Variants in PTPRN2 observed in about 807,000 individuals in gnomAD.
The protein encoded by PTPRN2 is receptor-type tyrosine-protein phosphatase N2.
In PTPRN2, 74 loss-of-function variants were observed where a neutral mutation model predicts 118.8. The ratio of observed to expected loss-of-function variants is 0.62; its 90% CI spans 0.52 to 0.76. The LOEUF (loss-of-function observed/expected upper bound fraction) is 0.76. Ranked by LOEUF, PTPRN2 falls within the 30% of genes least tolerant of loss-of-function variation. The probability of loss-of-function intolerance (pLI) is 0.00; values close to 1 mark genes in which losing one functional copy is unlikely to be tolerated. For synonymous variants in PTPRN2, 641 were observed against 608.0 expected, an observed-to-expected ratio of 1.05 and a Z score of -0.80; for missense variants, 1,481 against 1,394.4, an observed-to-expected ratio of 1.06 and a Z score of -0.99.
intron 2 of PTPRN2, among the ~76,000 whole-genome samples, chr7:158,484,522 C>T (rs1444788533): frequency 2.0e-5 from 3 of 152,154 alleles, no homozygotes; most frequent in Non-Finnish European, 4.4e-5. Context: ...GCCACCACGC[C>T]CAGCTAATTT....
At chr7:157,789,012 C>T (rs1554446876) in intron 12 of PTPRN2, among the ~76,000 whole-genome samples, 3 of 152,202 alleles carry the variant, frequency 2.0e-5, no homozygotes, top group East Asian at 1.9e-4. Context: ...AAGCTGTCAC[C>T]GTAACAGTCA....
intron 11 of PTPRN2, among the ~76,000 whole-genome samples, chr7:158,058,572 A>G (rs1810013110): frequency 1.2e-5 from 1 of 85,922 alleles, no homozygotes; most frequent in African/African-American, 5.5e-5. Context: ...GCCACACTCC[A>G]TCTGCCCACG....
rs1586857232 is a variant in PTPRN2, at chr7:158,521,949, CGGG to C, written c.113-32167_113-32165del. On this transcript the variant is annotated intron_variant, in intron 1 of 22. Coordinates refer to ENST00000389418, the MANE Select transcript of PTPRN2 (RefSeq NM_002847.5). Reference sequence around the variant, plus strand: ...ATGGTGGACTGTCCGGGTACTGGCTCGGGAGGGAGGTCCACGTCACAATGGTGG... The same window carrying C: ...ATGGTGGACTGTCCGGGTACTGGCTCAGGGAGGTCCACGTCACAATGGTGG... Among the ~76,000 whole-genome samples, 23 of 89,454 alleles carry C rather than the reference CGGG, an allele frequency of 2.6e-4. 3 individuals are homozygous for C. Among genetic ancestry groups the C allele is most frequent in the South Asian group, 8.0e-4 (2 of 2,496 alleles). The allele number at this position is 89,454 out of a possible 152,430, so 58.7% of individuals were successfully genotyped here.
chr7:157,554,953 CAGCACCCCAGTGTGGCG>C (rs1044280283), intron 21 of PTPRN2, among the ~76,000 whole-genome samples: 4 of 148,544 alleles, frequency 2.7e-5, no homozygotes, highest in Non-Finnish European at 4.4e-5. Context: ...CCATCTTGCT[CAGCACCCCAGTGTGGCG>C]GGCGCCCCAG....
At chr7:158,407,170 TGC>T (rs1563254298) in intron 2 of PTPRN2, among the ~76,000 whole-genome samples, 77 of 85,672 alleles carry the variant, frequency 9.0e-4, no homozygotes, top group African/African-American at 2.9e-3. Context: ...TCCTGGGTCC[TGC>T]GTCCTGCGTC....
intron 6 of PTPRN2, among the ~76,000 whole-genome samples, chr7:158,151,115 C>T (rs1460904593): frequency 5.6e-4 from 15 of 26,956 alleles, no homozygotes; most frequent in African/African-American, 1.6e-3. Context: ...TCTGCTCCTA[C>T]CCCTGCCCAC....
chr7:158,518,188 CAATT>C (rs1171587996), intron 1 of PTPRN2, among the ~76,000 whole-genome samples: 29 of 152,054 alleles, frequency 1.9e-4, no homozygotes, highest in African/African-American at 6.5e-4. Context: ...ATCAATCTAT[CAATT>C]AATTAATAGA....
Position 158,022,045 on chromosome 7 carries a change from G to A in PTPRN2, c.1723+59253C>T, listed in dbSNP as rs1437489566. Among the ~76,000 whole-genome samples the A allele has an allele frequency of 6.6e-6, 1 of 152,110 alleles. No individual in the cohort carries two copies. The highest frequency in any genetic ancestry group is 3.2e-3 in the Middle Eastern group (1 of 316). On this transcript the variant is annotated intron_variant, in intron 11 of 22. Coordinates refer to ENST00000389418, the MANE Select transcript of PTPRN2 (RefSeq NM_002847.5). The surrounding 1 kb of genome is among the most constrained non-coding windows in gnomAD (Gnocchi z 4.6). ...TGAGGCGAGACCCCACACTCCAGCT[G>A]GCCTCCTCCCTGAAGGGCCAGATGG...
intron 3 of PTPRN2, among the ~76,000 whole-genome samples, chr7:158,253,576 C>T (rs935115606): frequency 4.6e-5 from 7 of 152,136 alleles, no homozygotes; most frequent in Non-Finnish European, 1.0e-4. Flanking sequence ...AGGCCAGGAC[C>T]GCGCCCCACA....
intron 9 of PTPRN2, among the ~76,000 whole-genome samples, chr7:158,112,920 G>A (rs541206151): frequency 2.0e-5 from 3 of 152,142 alleles, no homozygotes; most frequent in South Asian, 4.2e-4. Flanking sequence ...GGAGCTGTAC[G>A]ACCAGAGGTG....
At chr7:158,149,157 A>AAT (rs1820609595) in intron 6 of PTPRN2, among the ~76,000 whole-genome samples, 1 of 150,158 alleles carries the variant, frequency 6.7e-6, no homozygotes. Flanking sequence ...TTTCCCCCTC[A>AAT]GTGACACCCC....
At position 157,576,630 on chromosome 7, in the gene PTPRN2, G is replaced by A; in HGVS notation, c.2766C>T (p.Ser922=). ...YDRGVPSSSR[S]LLDFRRKVNK... is the part of the protein sequence containing the mutation. ...CGTCATACCTGCGGAAGTCCAGGAG[G>A]GACCTTGAGGAGGAAGGGACTCCTC... Residue 922 remains serine (S), a synonymous_variant, in exon 19 of 23, where the codon TCC becomes TCT. Coordinates refer to ENST00000389418, the MANE Select transcript of PTPRN2 (RefSeq NM_002847.5). 1 of 1,612,264 alleles carries A rather than the reference G, an allele frequency of 6.2e-7. No homozygotes were observed. The highest frequency in any genetic ancestry group is 1.3e-5 in the African/African-American group (1 of 74,982).
intron 19 of PTPRN2, among the ~76,000 whole-genome samples, chr7:157,575,746 G>T (rs1191237493): frequency 6.6e-6 from 1 of 152,130 alleles, no homozygotes; most frequent in Non-Finnish European, 1.5e-5. Flanking sequence ...TATGATAGTG[G>T]GGCATGGCAT....
intron 12 of PTPRN2, among the ~76,000 whole-genome samples, chr7:157,792,404 G>T (rs4716496): frequency 0.12 from 18,674 of 152,252 alleles, 1,306 homozygotes; most frequent in African/African-American, 0.18. Flanking sequence ...TGGCTCTGGC[G>T]GACATTAGCC....
intron 6 of PTPRN2, among the ~76,000 whole-genome samples, chr7:158,139,435 G>T (rs576520819): frequency 2.0e-3 from 305 of 152,208 alleles, no homozygotes; most frequent in African/African-American, 6.9e-3. Context: ...AATGGGAGAC[G>T]TTCTGCAGAA....
intron 14 of PTPRN2, among the ~76,000 whole-genome samples, chr7:157,645,643 C>T (rs565360371): frequency 6.6e-6 from 1 of 152,160 alleles, no homozygotes; most frequent in Non-Finnish European, 1.5e-5. Context: ...AGGGTGGGGC[C>T]GGGCTGTACA....
rs913352694 is a variant in PTPRN2, at chr7:157,794,921, C to T, written c.1788+103752G>A. 6.6e-6 allele frequency among the ~76,000 whole-genome samples: 1 copy of T among 152,230 alleles called. No homozygotes were observed. Among genetic ancestry groups the T allele is most frequent in the Non-Finnish European group, 1.5e-5 (1 of 68,038 alleles). ...TCGGTCCTCAGAGAGGAGGGATTTC[C>T]ATGTGAAAGAGGCCAGAGTGCTTCC... On this transcript the variant is annotated intron_variant, in intron 12 of 22. Transcript: ENST00000389418. The surrounding 1 kb of genome is among the most constrained non-coding windows in gnomAD (Gnocchi z 5.2).
Position 158,522,988 on chromosome 7 carries a change from G to A in PTPRN2, c.113-33203C>T, listed in dbSNP as rs138121211. Among the ~76,000 whole-genome samples the A allele has an allele frequency of 2.0e-5, 3 of 152,350 alleles. No individual in the cohort carries two copies. In the East Asian group the frequency reaches 5.8e-4, roughly 29 times the overall value. On this transcript the variant is annotated intron_variant, in intron 1 of 22. Transcript: ENST00000389418. ...AGTTACCCAAAAATGGGAATTTCAA[G>A]AATAGCCAAGGGCTTCAACAGAGGA...
chr7:158,006,993 C>T (rs1418168033), intron 11 of PTPRN2, among the ~76,000 whole-genome samples: 1 of 152,268 alleles, frequency 6.6e-6, no homozygotes, highest in Non-Finnish European at 1.5e-5. Context: ...TACTCCGTCA[C>T]AGTTCTGGGG....
Sources: gnomAD v4.1 joint callset for allele counts (sites outside exome capture counted in the v4.1 genomes callset) on GRCh38, gnomAD v4.1.1 for gene constraint, Gnocchi (gnomAD v3.1) non-coding constraint, MANE v1.5 for transcripts, NCBI Gene and HGNC (gene_info 2026-07-23, HGNC 2026-07-21) for gene names.